The following SYN2 variants were observed in gnomAD, a reference collection of about 807,000 sequenced individuals.
SYN2 encodes synapsin II.
In SYN2, 19 loss-of-function variants were observed where a neutral mutation model predicts 50.9. The observed-to-expected ratio is 0.37, with a 90% CI of 0.26 to 0.55. The LOEUF (loss-of-function observed/expected upper bound fraction) is 0.55, where lower values mean the gene tolerates loss of function less well. Among genes scored for constraint, SYN2 ranks in the 20% least tolerant of loss-of-function variants. The pLI is 0.81. For missense variants in SYN2, 587 were observed against 576.4 expected, an observed-to-expected ratio of 1.02 and a Z score of -0.19; for synonymous variants, 255 against 224.9, an observed-to-expected ratio of 1.13 and a Z score of -1.20.
chr3:12,036,695 A>T (rs1307436813), intron 1 of SYN2, among the ~76,000 whole-genome samples: 3 of 152,194 alleles, frequency 2.0e-5, no homozygotes, highest in African/African-American at 7.2e-5. Context: ...CATTGTCTTG[A>T]TGAATAGCAC....
Position 12,048,000 on chromosome 3 carries a change from G to A in SYN2, c.377+43072G>A, listed in dbSNP as rs141390694. Among the ~76,000 whole-genome samples, 317 of 152,270 alleles carry A rather than the reference G, an allele frequency of 2.1e-3. 5 individuals are homozygous for A. The South Asian group carries it at 0.046, about 22-fold the overall frequency. ...GTGAGACCCTCTACAAGTTACGTAC[G>A]TTGTGTATTCCAACCTTTTACTTCT... On this transcript the variant is annotated intron_variant, in intron 1 of 12. Transcript: ENST00000621198.
At chr3:12,151,044 C>T (rs1697273207) in intron 4 of SYN2, among the ~76,000 whole-genome samples, 193 bp from the exon 5 acceptor site, 1 of 152,232 alleles carries the variant, frequency 6.6e-6, no homozygotes, top group Non-Finnish European at 1.5e-5. Context: ...TTTTAGCTCA[C>T]TCTCTTTCCC....
chr3:12,162,139 A>G lies in SYN2; in HGVS notation c.965A>G (p.Asn322Ser), dbSNP rs1697667991. 13 of 1,613,996 alleles carry G rather than the reference A, an allele frequency of 8.1e-6. No homozygotes were observed. Among genetic ancestry groups the G allele is most frequent in the Non-Finnish European group, 1.1e-5 (13 of 1,180,008 alleles). ...YDIRVQKIGN[N>S]YKAYMRTSIS... ...ATCCGGGTCCAGAAGATTGGCAACAACTACAAGGCTTACATGTGAGTAAGA... is the reference window on the plus strand; with the variant it reads ...ATCCGGGTCCAGAAGATTGGCAACAGCTACAAGGCTTACATGTGAGTAAGA... Residue 322 changes from asparagine (N) to serine (S), a missense_variant, in exon 7 of 13, where the codon AAC (asparagine) becomes AGC (serine). Physicochemically the swap from Asn to Ser is conservative, Grantham distance 46. Transcript: ENST00000621198.
In SYN2 at chr3:12,085,375, A is replaced by G. The variant is rs56123562; in HGVS notation, c.378-55276A>G. Among the ~76,000 whole-genome samples the G allele has an allele frequency of 1.1e-4, 13 of 117,704 alleles. No individual in the cohort carries two copies. In the East Asian group the frequency reaches 1.6e-3, roughly 14 times the overall value. 77.2% of individuals were successfully genotyped at this position (117,704 alleles called of 152,430 possible). A position where few individuals can be genotyped will look rare whatever the true frequency, so the allele number is the denominator to read the frequency against. The stretch of plus-strand genomic sequence containing the variant: ...AATACACACACACACACACACACAC[A>G]CACACGCACGCACGCACGCACTCGA... On this transcript the variant is annotated intron_variant, in intron 1 of 12. Transcript: ENST00000621198.
At chr3:12,175,661 A>G (rs572251101) in intron 10 of SYN2, among the ~76,000 whole-genome samples, 21 of 152,280 alleles carry the variant, frequency 1.4e-4, no homozygotes, top group Middle Eastern at 3.4e-3. Context: ...GAGTGCTTTC[A>G]TTTATTTGAT....
chr3:12,075,084 C>A (rs1695439454), intron 1 of SYN2, among the ~76,000 whole-genome samples: 1 of 152,042 alleles, frequency 6.6e-6, no homozygotes. Context: ...TATGTACTGT[C>A]ATTAATCTAT....
chr3:12,017,049 C>A (rs1417023971), intron 1 of SYN2, among the ~76,000 whole-genome samples: 1 of 152,022 alleles, frequency 6.6e-6, no homozygotes, highest in African/African-American at 2.4e-5. Context: ...AGTCACAGAT[C>A]TGAGCTGGGT....
chr3:12,072,251 A>G (rs1695372096), intron 1 of SYN2, among the ~76,000 whole-genome samples: 1 of 152,198 alleles, frequency 6.6e-6, no homozygotes, highest in South Asian at 2.1e-4. Context: ...TATCAGATAT[A>G]TGATTAGCAA....
intron 1 of SYN2, among the ~76,000 whole-genome samples, chr3:12,121,998 C>T (rs976035336): frequency 7.2e-5 from 11 of 152,134 alleles, no homozygotes; most frequent in African/African-American, 2.7e-4. Flanking sequence ...AGGCCTTGAA[C>T]CGATTAGCCA....
chr3:12,157,740 A>AGAGCT lies in SYN2; in HGVS notation c.775-3805_775-3801dup, dbSNP rs562208951. Among the ~76,000 whole-genome samples, 383 of 152,290 alleles carry AGAGCT rather than the reference A, an allele frequency of 2.5e-3. 2 individuals are homozygous for AGAGCT. The highest frequency in any genetic ancestry group is 8.6e-3 in the African/African-American group (356 of 41,558). ...CTGCCTTTTGAACCAGTTAGTCTGG[A>AGAGCT]GAGCTCTAGTTCTCCATAGCCGTTT... On this transcript the variant is annotated intron_variant, in intron 5 of 12. Coordinates refer to ENST00000621198, the MANE Select transcript of SYN2 (RefSeq NM_133625.6).
chr3:12,149,505 AAGG>A (rs1463822027), intron 4 of SYN2, among the ~76,000 whole-genome samples: 3 of 152,378 alleles, frequency 2.0e-5, no homozygotes, highest in African/African-American at 7.2e-5. Flanking sequence ...TGCACCCAGC[AAGG>A]AGAAGAGACC....
intron 1 of SYN2, among the ~76,000 whole-genome samples, chr3:12,014,805 TC>T (rs922285110): frequency 5.3e-5 from 8 of 152,334 alleles, no homozygotes; most frequent in African/African-American, 1.9e-4. Flanking sequence ...TCCTGTTTTT[TC>T]AACTGCAAAG....
At chr3:12,101,307 A>G (rs1256996997) in intron 1 of SYN2, among the ~76,000 whole-genome samples, 1 of 152,210 alleles carries the variant, frequency 6.6e-6, no homozygotes, top group Admixed American at 6.5e-5. Flanking sequence ...TTCAACCAGA[A>G]AAAGGAATGA....
intron 3 of SYN2, among the ~76,000 whole-genome samples, chr3:12,143,740 A>G (rs1326494562): frequency 6.6e-6 from 1 of 152,222 alleles, no homozygotes; most frequent in Non-Finnish European, 1.5e-5. Flanking sequence ...GTAGTGCTGC[A>G]ATAAACATAT....
intron 1 of SYN2, among the ~76,000 whole-genome samples, chr3:12,073,063 T>G (rs1488262036): frequency 6.6e-6 from 1 of 152,178 alleles, no homozygotes; most frequent in Non-Finnish European, 1.5e-5. Context: ...TCTCTTACTC[T>G]TCATGGAAGG....
At chr3:12,052,630 A>C (rs1186389194) in intron 1 of SYN2, among the ~76,000 whole-genome samples, 2 of 152,216 alleles carry the variant, frequency 1.3e-5, no homozygotes, top group Non-Finnish European at 2.9e-5. Context: ...ATAAAGAGTT[A>C]GGTTAGGAGT....
intron 3 of SYN2, among the ~76,000 whole-genome samples, chr3:12,142,427 T>G (rs1183437944): frequency 6.6e-6 from 1 of 152,198 alleles, no homozygotes; most frequent in Non-Finnish European, 1.5e-5. Flanking sequence ...ATTCCCCTAG[T>G]GAGTTGTGGC....
chr3:12,154,118 T>C (rs1697382807), intron 5 of SYN2, among the ~76,000 whole-genome samples: 1 of 152,238 alleles, frequency 6.6e-6, no homozygotes, highest in Non-Finnish European at 1.5e-5. Flanking sequence ...GTTACAGTTA[T>C]CTCAGTCTGC....
Position 12,167,307 on chromosome 3 carries a change from A to G in SYN2, c.1054A>G (p.Arg352Gly), listed in dbSNP as rs1697827056. The G allele has an allele frequency of 6.2e-7, 1 of 1,611,224 alleles. No homozygotes were observed. The highest frequency in any genetic ancestry group is 8.5e-7 in the Non-Finnish European group (1 of 1,178,818). ...GCTGGAGCAGATTGCCATGTCAGACAGGTGAGTTGAGAGAAGGAGTCCAGT... is the reference window on the plus strand; with the variant it reads ...GCTGGAGCAGATTGCCATGTCAGACGGGTGAGTTGAGAGAAGGAGTCCAGT... Reference protein sequence around the residue: ...AMLEQIAMSDRYKLWVDTCSE... With the variant: ...AMLEQIAMSDGYKLWVDTCSE... The change falls in exon 8 of 13, where the codon AGG becomes GGG. Residue 352 changes from arginine (R) to glycine (G), a missense_variant and splice_region_variant. Transcript: ENST00000621198.
Sources: allele counts gnomAD v4.1 joint callset (sites outside exome capture counted in the v4.1 genomes callset), GRCh38; gene constraint gnomAD v4.1.1; transcripts MANE v1.5; gene names NCBI Gene and HGNC (gene_info 2026-07-23, HGNC 2026-07-21).